Variants in ARFGEF2 observed in about 807,000 individuals in gnomAD.
ARFGEF2 encodes the protein ARF guanine nucleotide exchange factor 2, also known as brefeldin A-inhibited guanine nucleotide-exchange protein 2.
In ARFGEF2, 74 loss-of-function variants were observed where a neutral mutation model predicts 219.9. The observed-to-expected ratio is 0.34, with a 90% CI of 0.28 to 0.41. The LOEUF (loss-of-function observed/expected upper bound fraction) is 0.41. Ranked by LOEUF, ARFGEF2 falls within the 10% of genes least tolerant of loss-of-function variation. The pLI is 1.00. For missense variants in ARFGEF2, 1,743 were observed against 2,218.3 expected (o/e 0.79, Z 4.30); for synonymous variants, 733 against 799.2 (o/e 0.92, Z 1.40).
chr20:48,953,064 A>C (rs1461478617), intron 5 of ARFGEF2, among the ~76,000 whole-genome samples, 180 bp downstream of exon 5: 2 of 152,086 alleles, frequency 1.3e-5, no homozygotes, highest in Non-Finnish European at 2.9e-5. Context: ...AGGGTTTTGA[A>C]ATTTGTGTTC....
chr20:49,029,578 A>G (rs2091621753), intron 37 of ARFGEF2, among the ~76,000 whole-genome samples: 1 of 149,920 alleles, frequency 6.7e-6, no homozygotes, highest in African/African-American at 2.5e-5. Context: ...ATTATGAAAC[A>G]TAGTCATTAA....
chr20:48,950,219 C>T (rs1044203878), intron 3 of ARFGEF2, among the ~76,000 whole-genome samples: 5 of 152,192 alleles, frequency 3.3e-5, no homozygotes, highest in Middle Eastern at 3.4e-3. Flanking sequence ...GGGTGACACA[C>T]ACTACTATTG....
At chr20:49,030,241 G>T (rs1333164664) in intron 37 of ARFGEF2, among the ~76,000 whole-genome samples, 1 of 152,068 alleles carries the variant, frequency 6.6e-6, no homozygotes, top group African/African-American at 2.4e-5. Flanking sequence ...TTTACTTAAT[G>T]TGGGAACTTT....
At chr20:49,012,216 T>C in intron 28 of ARFGEF2, 132 bp downstream of exon 28, 2 of 1,206,402 alleles carry the variant, frequency 1.7e-6, no homozygotes, top group Non-Finnish European at 2.4e-6. Flanking sequence ...TAGGTGTTTA[T>C]TTCAAAATGC....
chr20:48,939,737 A>T (rs981470527), intron 1 of ARFGEF2, among the ~76,000 whole-genome samples: 3 of 152,250 alleles, frequency 2.0e-5, no homozygotes, highest in African/African-American at 7.2e-5. Context: ...AATAAGATAT[A>T]CAAAGTCGGG....
intron 27 of ARFGEF2, 33 bp downstream of exon 27, chr20:49,010,437 C>G (rs372547906): frequency 3.1e-6 from 5 of 1,610,162 alleles, no homozygotes; most frequent in East Asian, 2.2e-5. Context: ...TACTAATGTC[C>G]CACCTGCAAG....
Position 49,011,963 on chromosome 20 carries a change from C to G in ARFGEF2, c.3797C>G (p.Ser1266Cys), listed in dbSNP as rs1436410177. Residue 1266 changes from serine (S) to cysteine (C), a missense_variant, in exon 28 of 39, where the codon TCC becomes TGC. Physicochemically the swap from Ser to Cys is moderately radical, Grantham distance 112. Coordinates refer to ENST00000371917, the MANE Select transcript of ARFGEF2 (RefSeq NM_006420.3). ...FQHHFPAAIDSFQDAVKCLSE... is the reference protein window; with the variant it reads ...FQHHFPAAIDCFQDAVKCLSE... ...CACCATTTTCCTGCAGCCATCGATT[C>G]CTTTCAGGATGCTGTGAAGTGCTTA... 6.2e-7 allele frequency: 1 copy of G among 1,614,210 alleles called. No homozygotes were observed.
chr20:48,952,461 CA>C (rs1340483089), intron 4 of ARFGEF2, among the ~76,000 whole-genome samples: 2 of 152,142 alleles, frequency 1.3e-5, no homozygotes, highest in Non-Finnish European at 2.9e-5. Context: ...TGCTTCAACA[CA>C]ATTTAATTGT....
intron 9 of ARFGEF2, among the ~76,000 whole-genome samples, chr20:48,969,928 T>C (rs1291636960): frequency 2.0e-5 from 3 of 152,234 alleles, no homozygotes; most frequent in African/African-American, 7.2e-5. Flanking sequence ...TGGGGCCTTG[T>C]ACTTTATAAA....
chr20:48,963,729 T>G, intron 6 of ARFGEF2, 101 bp from the exon 7 acceptor site: 1 of 1,169,582 alleles, frequency 8.6e-7, no homozygotes, highest in Non-Finnish European at 1.3e-6. Flanking sequence ...TTGCACCCTT[T>G]GCCTTCTGAA....
intron 27 of ARFGEF2, among the ~76,000 whole-genome samples, chr20:49,010,993 T>C (rs2091494298): frequency 6.6e-6 from 1 of 152,210 alleles, no homozygotes; most frequent in Admixed American, 6.5e-5. Flanking sequence ...TTTTACATTT[T>C]CGTGCTTTTT....
chr20:48,989,346 A>C lies in ARFGEF2; in HGVS notation c.2595A>C (p.Lys865Asn). The change falls in exon 19 of 39, where the codon AAA becomes AAC. Residue 865 changes from lysine to asparagine, a missense_variant. Coordinates refer to ENST00000371917, the MANE Select transcript of ARFGEF2 (RefSeq NM_006420.3). ...ACTTAGAGATGGAGCAAATGGCTAA[A>C]ACAGCCAAAGCTCTGATGGAGGCTG... ...LYNLEMEQMA[K>N]TAKALMEAVS... The C allele has an allele frequency of 1.9e-6, 3 of 1,614,202 alleles. No homozygotes were observed. Among genetic ancestry groups the C allele is most frequent in the Non-Finnish European group, 2.5e-6 (3 of 1,180,024 alleles).
chr20:48,972,258 A>C, intron 10 of ARFGEF2, 68 bp from the exon 11 acceptor site: 1 of 1,144,898 alleles, frequency 8.7e-7, no homozygotes, highest in Non-Finnish European at 1.3e-6. Context: ...GCTGCTGAAG[A>C]CTTTGGAGGT....
chr20:48,962,589 T>C (rs913016554), intron 6 of ARFGEF2, among the ~76,000 whole-genome samples: 2 of 152,232 alleles, frequency 1.3e-5, no homozygotes, highest in African/African-American at 2.4e-5. Flanking sequence ...GTCTAAATCA[T>C]CCTTTTTAGA....
At chr20:48,924,192 T>C (rs2090861523) in intron 1 of ARFGEF2, among the ~76,000 whole-genome samples, 1 of 152,176 alleles carries the variant, frequency 6.6e-6, no homozygotes. Context: ...GGCCCAGTCT[T>C]GTGTCCAGTA....
At chr20:48,977,240 T>A (rs1450986598) in intron 14 of ARFGEF2, among the ~76,000 whole-genome samples, 4 of 151,978 alleles carry the variant, frequency 2.6e-5, no homozygotes, top group African/African-American at 9.7e-5. Context: ...TGGTTTTCTG[T>A]CCTTGTGATA....
intron 14 of ARFGEF2, among the ~76,000 whole-genome samples, chr20:48,978,222 T>C (rs1444854267): frequency 1.3e-5 from 2 of 152,234 alleles, no homozygotes; most frequent in African/African-American, 4.8e-5. Flanking sequence ...CAGCACCATT[T>C]ATTAAATAGG....
chr20:49,004,257 G>A (rs995573948), intron 25 of ARFGEF2, among the ~76,000 whole-genome samples: 11 of 151,762 alleles, frequency 7.2e-5, no homozygotes, highest in South Asian at 2.1e-4. Flanking sequence ...CCAGCTACTC[G>A]GGAGGCTGAG....
At chr20:48,979,674 G>A (rs1048158063) in intron 14 of ARFGEF2, among the ~76,000 whole-genome samples, 5 of 152,012 alleles carry the variant, frequency 3.3e-5, no homozygotes, top group South Asian at 2.1e-4. Flanking sequence ...GTCTATTCAG[G>A]GATTCAACTT....
Sources: gnomAD v4.1 joint callset for allele counts (sites outside exome capture counted in the v4.1 genomes callset) on GRCh38, gnomAD v4.1.1 for gene constraint, MANE v1.5 for transcripts, NCBI Gene and HGNC (gene_info 2026-07-23, HGNC 2026-07-21) for gene names.